The following PIK3C3 variants were observed in gnomAD, a reference collection of about 807,000 sequenced individuals.
The protein encoded by PIK3C3 is PI3-kinase type 3.
PIK3C3 carries 95 observed loss-of-function variants against 126.1 expected under a neutral mutation model. The observed-to-expected ratio is 0.75, with a 90% confidence interval of 0.64 to 0.89. The LOEUF is 0.89. PIK3C3 is among the 40% of genes least tolerant of loss of function. The probability of loss-of-function intolerance (pLI) is 0.00; values close to 1 mark genes in which losing one functional copy is unlikely to be tolerated. For synonymous variants in PIK3C3, 374 were observed against 360.0 expected, an observed-to-expected ratio of 1.04 and a Z score of -0.44; for missense variants, 829 against 1,063.2, an observed-to-expected ratio of 0.78 and a Z score of 3.06.
chr18:42,076,089 CATATATATATATATAT>C lies in PIK3C3; in HGVS notation c.2650-5017_2650-5002del, dbSNP rs71174077. On this transcript the variant is annotated intron_variant, in intron 24 of 24. Transcript: ENST00000262039. ...CATCAGCACTGGCTGCTTTACCTTG[CATATATATATATATAT>C]ATATATATATATATATGCGCATATA... 3.5e-4 allele frequency among the ~76,000 whole-genome samples: 19 copies of C among 54,646 alleles called. 1 individual carries two copies. Among genetic ancestry groups the C allele is most frequent in the Admixed American group, 6.4e-4 (3 of 4,664 alleles). 35.8% of individuals were successfully genotyped at this position (54,646 alleles called of 152,430 possible).
chr18:42,080,568 T>C (rs1986212430), intron 24 of PIK3C3, among the ~76,000 whole-genome samples: 1 of 152,298 alleles, frequency 6.6e-6, no homozygotes. Context: ...AACAAAGAAA[T>C]CTTCGTTGAT....
chr18:42,015,743 C>T (rs1983045379), intron 12 of PIK3C3, among the ~76,000 whole-genome samples, 177 bp downstream of exon 12: 2 of 152,220 alleles, frequency 1.3e-5, no homozygotes, highest in Non-Finnish European at 2.9e-5. Context: ...ACCAGATAGT[C>T]CTCAATTTGA....
intron 4 of PIK3C3, among the ~76,000 whole-genome samples, chr18:41,986,851 T>TCAG (rs571607437): frequency 4.7e-4 from 72 of 152,196 alleles, no homozygotes; most frequent in African/African-American, 1.5e-3. Context: ...ACAATGAACT[T>TCAG]CAGACTTTTT....
At chr18:42,033,690 A>G (rs371210103) in intron 15 of PIK3C3, 136 bp from the exon 16 acceptor site, 12 of 552,570 alleles carry the variant, frequency 2.2e-5, no homozygotes, top group Non-Finnish European at 3.4e-5. Flanking sequence ...CTCACATACA[A>G]CACCATCTCC....
chr18:42,018,541 A>C (rs1983178894), intron 12 of PIK3C3, among the ~76,000 whole-genome samples: 1 of 152,106 alleles, frequency 6.6e-6, no homozygotes, highest in African/African-American at 2.4e-5. Flanking sequence ...GTGCATATTT[A>C]AAATGTACAC....
At chr18:42,070,022 G>A (rs1985709678) in intron 24 of PIK3C3, among the ~76,000 whole-genome samples, 1 of 152,106 alleles carries the variant, frequency 6.6e-6, no homozygotes, top group African/African-American at 2.4e-5. Context: ...CTGGTAGTTG[G>A]GTTTGTCTTG....
In PIK3C3 at chr18:42,081,259, A is replaced by G. The variant is rs1447238656; in HGVS notation, c.*122A>G. The G allele has an allele frequency of 8.1e-6, 5 of 617,560 alleles. No individual in the cohort carries two copies. Among genetic ancestry groups the G allele is most frequent in the East Asian group, 2.9e-5 (1 of 34,732 alleles). 38.3% of individuals were successfully genotyped at this position (617,560 alleles called of 1,614,324 possible). A position where few individuals can be genotyped will look rare whatever the true frequency, so the allele number is the denominator to read the frequency against. ...GAGAAATCTTAATCTTCAAGTTACC[A>G]TATTTTCCAAATATTACATGGTACC... On this transcript the variant is annotated 3_prime_UTR_variant, in exon 25 of 25. Coordinates refer to ENST00000262039, the MANE Select transcript of PIK3C3 (RefSeq NM_002647.4).
chr18:42,062,574 A>G (rs1466396570), intron 22 of PIK3C3, among the ~76,000 whole-genome samples: 1 of 152,050 alleles, frequency 6.6e-6, no homozygotes, highest in Admixed American at 6.6e-5. Context: ...TAGAACCTTC[A>G]TTATCATTAT....
At chr18:41,995,284 C>A (rs1479745595) in intron 7 of PIK3C3, among the ~76,000 whole-genome samples, 1 of 151,656 alleles carries the variant, frequency 6.6e-6, no homozygotes, top group Non-Finnish European at 1.5e-5. Context: ...GACAAAGGAC[C>A]ATAAAGCCAT....
chr18:42,071,422 A>G (rs1985767281), intron 24 of PIK3C3, among the ~76,000 whole-genome samples: 3 of 152,154 alleles, frequency 2.0e-5, no homozygotes, highest in South Asian at 4.1e-4. Flanking sequence ...ACTGAACCAC[A>G]TAAAAAGTTG....
chr18:42,013,244 A>G (rs570255279), intron 10 of PIK3C3, among the ~76,000 whole-genome samples, 198 bp from the exon 11 acceptor site: 7 of 150,930 alleles, frequency 4.6e-5, no homozygotes, highest in Non-Finnish European at 7.4e-5. Context: ...TCTAAGGTTT[A>G]TATTATGATG....
intron 4 of PIK3C3, chr18:41,984,800 C>T (rs1033463935): frequency 4.6e-5 from 7 of 152,120 alleles, no homozygotes; most frequent in African/African-American, 1.4e-4. Flanking sequence ...TAGGATGGCC[C>T]TCAATGAAAT....
chr18:42,027,615 A>G, intron 14 of PIK3C3, 67 bp downstream of exon 14: 1 of 800,058 alleles, frequency 1.2e-6, no homozygotes. Context: ...TTGCCTGTTT[A>G]GGAACATCCC....
chr18:42,021,490 A>G (rs950262448), intron 13 of PIK3C3, among the ~76,000 whole-genome samples: 1 of 152,218 alleles, frequency 6.6e-6, no homozygotes, highest in Admixed American at 6.5e-5. Flanking sequence ...GGCTTCATCT[A>G]ACTTTACGGA....
intron 5 of PIK3C3, 143 bp downstream of exon 5, chr18:41,988,041 A>C (rs1391510093): frequency 7.3e-6 from 4 of 547,846 alleles, no homozygotes; most frequent in Admixed American, 3.6e-5. Context: ...TATGCTAATA[A>C]CTGGAAAATT....
intron 22 of PIK3C3, among the ~76,000 whole-genome samples, chr18:42,063,542 T>C (rs915703084): frequency 2.0e-5 from 3 of 152,184 alleles, no homozygotes; most frequent in Non-Finnish European, 4.4e-5. Flanking sequence ...AGGGCCTGAT[T>C]TGATTAGACT....
intron 21 of PIK3C3, among the ~76,000 whole-genome samples, chr18:42,055,946 A>C (rs891712558): frequency 6.6e-5 from 10 of 152,054 alleles, no homozygotes; most frequent in African/African-American, 2.4e-4. Context: ...TGTAATTAGC[A>C]CCTCTTACTC....
chr18:42,080,746 C>A (rs1454990037), intron 24 of PIK3C3, among the ~76,000 whole-genome samples: 1 of 152,136 alleles, frequency 6.6e-6, no homozygotes, highest in Non-Finnish European at 1.5e-5. Context: ...CACAGCCTCT[C>A]AAAATGTGGC....
intron 15 of PIK3C3, 45 bp from the exon 16 acceptor site, chr18:42,033,781 T>G (rs370067871): frequency 7.0e-7 from 1 of 1,429,412 alleles, no homozygotes; most frequent in Admixed American, 2.4e-5. Flanking sequence ...TTTTATAAAC[T>G]ACTCTTCTAT....
Sources: gnomAD v4.1 joint callset for allele counts (sites outside exome capture counted in the v4.1 genomes callset) on GRCh38, gnomAD v4.1.1 for gene constraint, MANE v1.5 for transcripts, NCBI Gene and HGNC (gene_info 2026-07-23, HGNC 2026-07-21) for gene names.